ERICH1: variants seen among roughly 807,000 people sequenced by gnomAD.
ERICH1 encodes glutamate-rich protein 1.
A neutral mutation model predicts 39.6 loss-of-function variants in ERICH1; 56 were observed. The observed-to-expected ratio is 1.41, with a 90% CI of 1.14 to 1.77. The LOEUF is 1.77. Among genes scored for constraint, ERICH1 ranks in the 40% most tolerant of loss-of-function variants. ERICH1 has a pLI of 0.00. For missense variants in ERICH1, 826 were observed against 575.4 expected, an observed-to-expected ratio of 1.44 and a Z score of -4.45; for synonymous variants, 313 against 223.6, an observed-to-expected ratio of 1.40 and a Z score of -3.57.
At chr8:635,808 C>T (rs1322838531) in intron 3 of ERICH1, among the ~76,000 whole-genome samples, 1 of 152,236 alleles carries the variant, frequency 6.6e-6, no homozygotes, top group East Asian at 1.9e-4. Context: ...ATGCGTGCTG[C>T]ACCCCACAGC....
chr8:671,527 C>T (rs538349466), intron 4 of ERICH1, among the ~76,000 whole-genome samples: 8 of 131,876 alleles, frequency 6.1e-5, no homozygotes, highest in East Asian at 2.4e-4. Context: ...CTCCAGGCTC[C>T]GACCTCTGAA....
chr8:689,702 C>G (rs1013497589), intron 3 of ERICH1, among the ~76,000 whole-genome samples: 1 of 152,170 alleles, frequency 6.6e-6, no homozygotes, highest in African/African-American at 2.4e-5. Flanking sequence ...GACACACTGT[C>G]GTGCTGCTGG....
intron 3 of ERICH1, among the ~76,000 whole-genome samples, chr8:688,424 TC>T (rs1808143732): frequency 7.0e-6 from 1 of 143,490 alleles, no homozygotes; most frequent in Admixed American, 7.1e-5. Flanking sequence ...CCTCCGGCCT[TC>T]CTTAGCGCCG....
At chr8:689,092 G>C (rs961420395) in intron 3 of ERICH1, among the ~76,000 whole-genome samples, 1 of 151,760 alleles carries the variant, frequency 6.6e-6, no homozygotes, top group Non-Finnish European at 1.5e-5. Flanking sequence ...ATATAAACTA[G>C]GTGAAGAGCT....
intron 3 of ERICH1, among the ~76,000 whole-genome samples, chr8:643,174 G>C (rs1347851596): frequency 2.0e-5 from 3 of 152,200 alleles, no homozygotes; most frequent in African/African-American, 7.2e-5. Context: ...CTTCACACCT[G>C]GTGCCCACAT....
downstream of ERICH1, among the ~76,000 whole-genome samples, chr8:662,243 G>C (rs556062663): frequency 6.6e-6 from 1 of 152,390 alleles, no homozygotes; most frequent in South Asian, 2.1e-4. Flanking sequence ...GGATGGAGAA[G>C]GTGGAGATGG....
intron 3 of ERICH1, among the ~76,000 whole-genome samples, chr8:643,554 G>A (rs1210669886): frequency 6.6e-6 from 1 of 152,188 alleles, no homozygotes; most frequent in Non-Finnish European, 1.5e-5. Flanking sequence ...CTGCCGGCTG[G>A]GCCCTGGCAG....
intron 3 of ERICH1, among the ~76,000 whole-genome samples, chr8:675,022 CA>C (rs1415668157): frequency 1.3e-5 from 2 of 152,248 alleles, no homozygotes; most frequent in Non-Finnish European, 2.9e-5. Flanking sequence ...CTGAGAGGGG[CA>C]GCATGGCTTG....
At chr8:659,922 C>T (rs1669680), downstream of ERICH1, among the ~76,000 whole-genome samples, 1 of 151,772 alleles carries the variant, frequency 6.6e-6, no homozygotes, top group African/African-American at 2.4e-5. Context: ...CACTGGCAGG[C>T]TGCTCCCTGT....
chr8:643,066 G>A lies in ERICH1; in HGVS notation c.976+25532C>T, dbSNP rs142883217. Among the ~76,000 whole-genome samples, 559 of 152,264 alleles carry A rather than the reference G, an allele frequency of 3.7e-3. 4 individuals carry two copies. Among genetic ancestry groups the A allele is most frequent in the African/African-American group, 0.012 (508 of 41,572 alleles). Reference sequence around the variant, plus strand: ...GTCCTGTCACATGGATAAGCACCCCGCCCCTCACGGCCCCAGGACATCGGG... The same window carrying A: ...GTCCTGTCACATGGATAAGCACCCCACCCCTCACGGCCCCAGGACATCGGG... On this transcript the variant is annotated intron_variant, in intron 3 of 3. Coordinates refer to the ERICH1 transcript ENST00000522706.
intron 3 of ERICH1, among the ~76,000 whole-genome samples, chr8:629,812 AG>A (rs1410889465): frequency 1.5e-5 from 2 of 136,060 alleles, no homozygotes; most frequent in African/African-American, 3.1e-5. Context: ...CCCTCCTGTG[AG>A]CACCCACACA....
At chr8:639,718 C>T (rs1459850994) in intron 3 of ERICH1, among the ~76,000 whole-genome samples, 2 of 114,366 alleles carry the variant, frequency 1.7e-5, no homozygotes, top group Non-Finnish European at 3.6e-5. Flanking sequence ...CAGCCAGCCA[C>T]GAATCCAGTT....
At chr8:630,128 G>A (rs1340022430) in intron 3 of ERICH1, among the ~76,000 whole-genome samples, 2 of 112,752 alleles carry the variant, frequency 1.8e-5, no homozygotes, top group African/African-American at 3.7e-5. Flanking sequence ...CACCCACACA[G>A]ACAGAGCTGA....
chr8:678,774 C>T (rs962499791), intron 3 of ERICH1, among the ~76,000 whole-genome samples: 1 of 152,160 alleles, frequency 6.6e-6, no homozygotes, highest in Non-Finnish European at 1.5e-5. Context: ...CACCACTGCA[C>T]TCCAGCCTGG....
chr8:659,072 G>C (rs1669677), intron 3 of ERICH1, among the ~76,000 whole-genome samples: 3,475 of 18,524 alleles, frequency 0.19, 541 homozygotes, highest in East Asian at 0.35. Context: ...AGGGGGTGAC[G>C]ATCGAGATCT....
intron 3 of ERICH1, among the ~76,000 whole-genome samples, chr8:657,899 T>C (rs1800869438): frequency 6.6e-6 from 1 of 152,102 alleles, no homozygotes; most frequent in Admixed American, 6.5e-5. Context: ...CCCCAGCCAC[T>C]CCCAGAAGAG....
At chr8:624,921 T>C (rs1286515793) in intron 3 of ERICH1, among the ~76,000 whole-genome samples, 1 of 151,544 alleles carries the variant, frequency 6.6e-6, no homozygotes, top group Non-Finnish European at 1.5e-5. Context: ...AGAGACGGGG[T>C]TTCACCGTGT....
chr8:651,510 C>T (rs1799941043), intron 3 of ERICH1, among the ~76,000 whole-genome samples: 3 of 152,278 alleles, frequency 2.0e-5, no homozygotes, highest in African/African-American at 7.2e-5. Flanking sequence ...ATGCAGGAGC[C>T]AGCCCGGAGA....
At chr8:615,334 A>T in intron 3 of ERICH1, 1 of 629,708 alleles carries the variant, frequency 1.6e-6, no homozygotes, top group Non-Finnish European at 2.8e-6. Flanking sequence ...TTTTAATACA[A>T]TGTTTATTGA....
Sources: allele counts gnomAD v4.1 joint callset (sites outside exome capture counted in the v4.1 genomes callset), GRCh38; gene constraint gnomAD v4.1.1; transcripts MANE v1.5; gene names NCBI Gene and HGNC (gene_info 2026-07-23, HGNC 2026-07-21).